Variants in NLGN4X observed in about 807,000 individuals in gnomAD.
NLGN4X encodes the protein neuroligin 4 X-linked, also known as neuroligin-4, X-linked.
NLGN4X carries 3 observed loss-of-function variants against 40.3 expected under a neutral mutation model. The ratio of observed to expected loss-of-function variants is 0.07; its 90% CI spans 0.03 to 0.19. NLGN4X has a LOEUF of 0.19. Among genes scored for constraint, NLGN4X ranks in the 10% least tolerant of loss-of-function variants. The pLI, the probability that NLGN4X is intolerant of heterozygous loss-of-function variation, is 1.00. For missense variants in NLGN4X, 382 were observed against 708.3 expected (o/e 0.54, Z 5.23); for synonymous variants, 270 against 306.8 (o/e 0.88, Z 1.25).
intron 3 of NLGN4X, among the ~76,000 whole-genome samples, chrX:5,954,888 T>C (rs1238094800): frequency 9.0e-6 from 1 of 111,264 alleles, no homozygotes; most frequent in Non-Finnish European, 1.9e-5. Flanking sequence ...CCATAACTAG[T>C]ATCTCTGAAT....
At chrX:6,188,646 A>C (rs186763674) in intron 1 of NLGN4X, among the ~76,000 whole-genome samples, 74 of 111,372 alleles carry the variant, frequency 6.6e-4, no homozygotes, top group Non-Finnish European at 6.2e-4. Context: ...TAAAAGATTC[A>C]TTTGGGTAAT....
intron 1 of NLGN4X, among the ~76,000 whole-genome samples, chrX:6,178,890 G>A (rs1257558777): frequency 9.0e-6 from 1 of 110,990 alleles, no homozygotes; most frequent in Non-Finnish European, 1.9e-5. Context: ...GAGTCCAGGA[G>A]TTCGAGACCA....
chrX:5,977,447 C>T (rs2035211944), intron 3 of NLGN4X, among the ~76,000 whole-genome samples: 1 of 110,600 alleles, frequency 9.0e-6, no homozygotes, highest in Non-Finnish European at 1.9e-5. Flanking sequence ...GCCTCAAATT[C>T]CCAGGCTCAT....
intron 1 of NLGN4X, among the ~76,000 whole-genome samples, chrX:6,212,994 CA>C (rs763450762): frequency 1.8e-5 from 2 of 111,609 alleles, no homozygotes; most frequent in East Asian, 5.6e-4. Flanking sequence ...ATCGATATTC[CA>C]CCATCCGGAA....
Position 5,947,470 on chromosome X carries a change from T to C in NLGN4X, c.626-38231A>G, listed in dbSNP as rs931685423. On this transcript the variant is annotated intron_variant, in intron 3 of 5. Coordinates refer to ENST00000381095, the MANE Select transcript of NLGN4X (RefSeq NM_181332.3). ...AATTTGGGGGGAAAGTGGAGTCAGG[T>C]ATTTTGTTTAGAATTCGTTAAAAAT... Among the ~76,000 whole-genome samples the C allele has an allele frequency of 2.7e-5, 3 of 111,976 alleles. No homozygotes were observed. The Admixed American group carries it at 2.9e-4, about 11-fold the overall frequency.
chrX:6,179,692 C>G (rs1001508631), intron 1 of NLGN4X, among the ~76,000 whole-genome samples: 3 of 111,643 alleles, frequency 2.7e-5, no homozygotes, highest in Non-Finnish European at 5.6e-5. Context: ...TTCTCAGTAG[C>G]GACCATTTGC....
chrX:5,980,323 T>A (rs796776505), intron 3 of NLGN4X, among the ~76,000 whole-genome samples: 28 of 110,057 alleles, frequency 2.5e-4, no homozygotes, highest in South Asian at 3.8e-4. Context: ...GTTTGTGAAT[T>A]CTCTTTACAT....
In NLGN4X at chrX:6,165,521, A is replaced by G. The variant is rs1017233216; in HGVS notation, c.-305-13750T>C. On this transcript the variant is annotated intron_variant, in intron 1 of 5. Coordinates refer to ENST00000381095, the MANE Select transcript of NLGN4X (RefSeq NM_181332.3). ...CAAAAATGTCAGTAAATAGCAGTCAATATTAATTGATATTGACACTTCCAA... is the reference window on the plus strand; with the variant it reads ...CAAAAATGTCAGTAAATAGCAGTCAGTATTAATTGATATTGACACTTCCAA... Among the ~76,000 whole-genome samples, 6 of 112,054 alleles carry G rather than the reference A, an allele frequency of 5.4e-5. No homozygotes were observed. In the Admixed American group the frequency reaches 5.7e-4, roughly 11 times the overall value.
intron 3 of NLGN4X, among the ~76,000 whole-genome samples, chrX:5,989,466 C>T (rs1285499477): frequency 1.8e-5 from 2 of 112,103 alleles, no homozygotes; most frequent in Middle Eastern, 4.6e-3. Context: ...CAGTCAGCAC[C>T]CATATACCTT....
chrX:6,028,999 C>T (rs1193718249), intron 3 of NLGN4X, among the ~76,000 whole-genome samples: 1 of 112,577 alleles, frequency 8.9e-6, no homozygotes, highest in African/African-American at 3.2e-5. Flanking sequence ...TGTAGACAAA[C>T]ATACATTCAT....
At chrX:5,930,143 T>C (rs1187701180) in intron 3 of NLGN4X, among the ~76,000 whole-genome samples, 1 of 112,275 alleles carries the variant, frequency 8.9e-6, no homozygotes, top group East Asian at 2.8e-4. Context: ...GCCATATTTA[T>C]GGGTGGTATG....
intron 1 of NLGN4X, among the ~76,000 whole-genome samples, chrX:6,220,734 CTTTTTTTT>C (rs774553248): frequency 1.5e-5 from 1 of 66,753 alleles, no homozygotes; most frequent in Non-Finnish European, 2.5e-5. Context: ...TTATAACTTT[CTTTTTTTT>C]TTTTTTTTTT....
At chrX:6,159,043 A>C (rs957426491) in intron 1 of NLGN4X, among the ~76,000 whole-genome samples, 1 of 112,896 alleles carries the variant, frequency 8.9e-6, no homozygotes, top group African/African-American at 3.2e-5. Flanking sequence ...TTTACAAAAC[A>C]GTCAAAAATG....
chrX:6,031,170 A>G (rs924799133), intron 2 of NLGN4X, among the ~76,000 whole-genome samples: 6 of 112,489 alleles, frequency 5.3e-5, no homozygotes, highest in African/African-American at 1.9e-4. Flanking sequence ...AACACTGTGA[A>G]AACAGATTCT....
At chrX:5,931,203 T>C (rs1408715511) in intron 3 of NLGN4X, among the ~76,000 whole-genome samples, 1 of 111,960 alleles carries the variant, frequency 8.9e-6, no homozygotes, top group Non-Finnish European at 1.9e-5. Context: ...CAATAAAAAA[T>C]ACTCAAAGAA....
intron 3 of NLGN4X, among the ~76,000 whole-genome samples, chrX:6,021,041 T>TCCCC (rs869181118): frequency 1.0e-4 from 2 of 19,912 alleles, no homozygotes; most frequent in African/African-American, 5.3e-4. Flanking sequence ...TCTCTCTCTC[T>TCCCC]CTCTCTCCCT....
At chrX:6,046,912 T>C (rs960200715) in intron 2 of NLGN4X, among the ~76,000 whole-genome samples, 5 of 108,437 alleles carry the variant, frequency 4.6e-5, no homozygotes, top group Non-Finnish European at 7.6e-5. Context: ...CCTAATTGTG[T>C]ATAAAATGTA....
intron 2 of NLGN4X, among the ~76,000 whole-genome samples, chrX:6,078,680 AC>A (rs1304177193): frequency 9.2e-6 from 1 of 108,119 alleles, no homozygotes; most frequent in Non-Finnish European, 1.9e-5. Flanking sequence ...AAACTACAAT[AC>A]TGATAACTTT....
At chrX:6,132,341 G>C (rs2039698334) in intron 2 of NLGN4X, among the ~76,000 whole-genome samples, 4 of 111,549 alleles carry the variant, frequency 3.6e-5, no homozygotes, top group Non-Finnish European at 5.6e-5. Flanking sequence ...CTTGCCAGCT[G>C]AATCTAGAAT....
Sources: allele counts gnomAD v4.1 joint callset (sites outside exome capture counted in the v4.1 genomes callset), GRCh38; gene constraint gnomAD v4.1.1; transcripts MANE v1.5; gene names NCBI Gene and HGNC (gene_info 2026-07-23, HGNC 2026-07-21).